The following SLC36A4 variants were observed in gnomAD, a reference collection of about 807,000 sequenced individuals.
SLC36A4 encodes the protein neutral amino acid uniporter 4.
SLC36A4 carries 49 observed loss-of-function variants against 50.5 expected under a neutral mutation model. The ratio of observed to expected loss-of-function variants is 0.97; its 90% CI spans 0.77 to 1.23. The LOEUF (loss-of-function observed/expected upper bound fraction) is 1.23, where lower values mean the gene tolerates loss of function less well. SLC36A4 is among the 50% of genes most tolerant of loss of function. The pLI is 0.00. For missense variants in SLC36A4, 611 were observed against 608.4 expected (o/e 1.00, Z -0.05); for synonymous variants, 207 against 206.5 (o/e 1.00, Z -0.02).
chr11:93,180,411 G>C, intron 6 of SLC36A4: 1 of 755,918 alleles, frequency 1.3e-6, no homozygotes. Context: ...AATAATGAAT[G>C]CTCACTATTT....
In SLC36A4 at chr11:93,146,982, G is replaced by A. The variant is rs1859861151; in HGVS notation, c.*1555C>T. On this transcript the variant is annotated 3_prime_UTR_variant, in exon 11 of 11. Coordinates refer to ENST00000326402, the MANE Select transcript of SLC36A4 (RefSeq NM_152313.4). Reference sequence around the variant, plus strand: ...ATGATTCTTGTATATATTTATTGTTGTTTTAGTTTTTAAGAGTTGGGATCT... The same window carrying A: ...ATGATTCTTGTATATATTTATTGTTATTTTAGTTTTTAAGAGTTGGGATCT... The A allele has an allele frequency of 6.6e-6, 1 of 151,902 alleles. No homozygotes were observed. Among genetic ancestry groups the A allele is most frequent in the Admixed American group, 6.6e-5 (1 of 15,218 alleles). 9.4% of individuals were successfully genotyped at this position (151,902 alleles called of 1,614,324 possible).
Position 93,197,841 on chromosome 11 carries a change from G to A in SLC36A4, c.-9C>T, listed in dbSNP as rs752289243. The A allele has an allele frequency of 1.9e-6, 3 of 1,564,050 alleles. No homozygotes were observed. The highest frequency in any genetic ancestry group is 2.6e-6 in the Non-Finnish European group (3 of 1,163,144). ...GTCGCCGCCGCTTCCATCTCTCGCGGGTCTCCAGGACGCCGCCGCCCGAGT... is the reference window on the plus strand; with the variant it reads ...GTCGCCGCCGCTTCCATCTCTCGCGAGTCTCCAGGACGCCGCCGCCCGAGT... On this transcript the variant is annotated 5_prime_UTR_variant, in exon 1 of 11. Coordinates refer to ENST00000326402, the MANE Select transcript of SLC36A4 (RefSeq NM_152313.4).
chr11:93,157,879 T>A (rs1321791366), intron 9 of SLC36A4, among the ~76,000 whole-genome samples: 2 of 152,192 alleles, frequency 1.3e-5, no homozygotes, highest in East Asian at 3.8e-4. Flanking sequence ...TCTTGCCTGA[T>A]TGCTCTGGCC....
At chr11:93,173,224 T>G (rs1401348269) in intron 6 of SLC36A4, among the ~76,000 whole-genome samples, 1 of 150,192 alleles carries the variant, frequency 6.7e-6, no homozygotes. Context: ...TCATGTGTTT[T>G]TTGGCTGCAT....
intron 6 of SLC36A4, among the ~76,000 whole-genome samples, chr11:93,169,891 T>A (rs1861051316): frequency 6.6e-6 from 1 of 152,056 alleles, no homozygotes. Context: ...AATAATTAGA[T>A]TAGATAATGA....
chr11:93,197,548 GCAAA>G, intron 1 of SLC36A4: 1 of 545,488 alleles, frequency 1.8e-6, no homozygotes, highest in Non-Finnish European at 3.2e-6. Flanking sequence ...ACGCGCGCGC[GCAAA>G]CACACACACA....
intron 6 of SLC36A4, among the ~76,000 whole-genome samples, chr11:93,178,713 T>C (rs963659947): frequency 2.6e-5 from 4 of 152,172 alleles, no homozygotes; most frequent in South Asian, 2.1e-4. Context: ...ATAAAAGCCA[T>C]CTATGACAAA....
At chr11:93,179,174 C>T (rs1861626519) in intron 6 of SLC36A4, among the ~76,000 whole-genome samples, 1 of 151,930 alleles carries the variant, frequency 6.6e-6, no homozygotes, top group Admixed American at 6.6e-5. Flanking sequence ...TGCTATCAAC[C>T]AGGTACAGTA....
chr11:93,154,308 T>C lies in SLC36A4; in HGVS notation c.1038-31A>G, dbSNP rs767214107. The stretch of plus-strand genomic sequence containing the variant: ...GAAAAAAATTTTCAAAATTTAGTCA[T>C]TTTTAATGTGAATTTAGTTTTCCTC... On this transcript the variant is annotated intron_variant, in intron 9 of 10. Transcript: ENST00000326402. 3 of 1,146,450 alleles carry C rather than the reference T, an allele frequency of 2.6e-6. No individual in the cohort carries two copies. The African/African-American group carries it at 4.8e-5, about 18-fold the overall frequency. 71.0% of individuals were successfully genotyped at this position (1,146,450 alleles called of 1,614,324 possible).
rs1861704143 is a variant in SLC36A4 at position 93,180,899 on chromosome 11, C to T, written c.456-18G>A. 6.5e-7 allele frequency: 1 copy of T among 1,536,366 alleles called. No individual in the cohort carries two copies. Among genetic ancestry groups the T allele is most frequent in the Admixed American group, 1.7e-5 (1 of 59,628 alleles). On this transcript the variant is annotated intron_variant, in intron 5 of 10. Coordinates refer to ENST00000326402, the MANE Select transcript of SLC36A4 (RefSeq NM_152313.4). ...CCACACTCCTGAAAAAAGATATCCA[C>T]AAATGAGTATCCAGGAGAGCTACTG...
chr11:93,165,787 C>T, intron 8 of SLC36A4, 131 bp downstream of exon 8: 1 of 554,052 alleles, frequency 1.8e-6, no homozygotes, highest in Non-Finnish European at 3.0e-6. Context: ...ATCTATCACA[C>T]CAAATTGGAA....
At position 93,184,533 on chromosome 11, in the gene SLC36A4, A is replaced by T. The variant is rs765342769; in HGVS notation, c.180-13T>A. 6.9e-7 allele frequency: 1 copy of T among 1,458,736 alleles called. No homozygotes were observed. Among genetic ancestry groups the T allele is most frequent in the Non-Finnish European group, 9.6e-7 (1 of 1,042,646 alleles). The allele number at this position is 1,458,736 out of a possible 1,614,324, so 90.4% of individuals were successfully genotyped here. The stretch of plus-strand genomic sequence containing the variant: ...AGTTTGTACAAATCTGAAAAGTAAA[A>T]GTTGTAAGACTTAAATATTTTAGAA... On this transcript the variant is annotated splice_polypyrimidine_tract_variant and intron_variant, in intron 2 of 10. Transcript: ENST00000326402.
intron 1 of SLC36A4, among the ~76,000 whole-genome samples, chr11:93,193,773 T>C (rs972231462): frequency 1.8e-4 from 27 of 152,146 alleles, no homozygotes; most frequent in African/African-American, 5.5e-4. Context: ...TGTTCTAAAA[T>C]CACATTAATT....
chr11:93,153,968 G>A (rs529078954), intron 10 of SLC36A4, 140 bp downstream of exon 10: 321 of 426,526 alleles, frequency 7.5e-4, no homozygotes, highest in Admixed American at 2.5e-3. Context: ...AAGTAACCCA[G>A]CTGGGTGAAT....
At chr11:93,197,103 ATTACAT>A (rs1862461529) in intron 1 of SLC36A4, 1 of 152,340 alleles carries the variant, frequency 6.6e-6, no homozygotes, top group South Asian at 2.1e-4. Context: ...TAATTTTTTA[ATTACAT>A]TTAATCAGCA....
At position 93,197,817 on chromosome 11, in the gene SLC36A4, TCGCC is replaced by T; in HGVS notation, c.12_15del (p.Ala5ArgfsTer13). ...CTCGCCGCCCCGGCAGCCGCCGGCG[TCGCC>T]GCCGCTTCCATCTCTCGCGGGTCTC... On this transcript the variant is annotated frameshift_variant, in exon 1 of 11. Coordinates refer to ENST00000326402, the MANE Select transcript of SLC36A4 (RefSeq NM_152313.4). LOFTEE classifies it high-confidence loss of function. 10 of 1,578,422 alleles carry T rather than the reference TCGCC, an allele frequency of 6.3e-6. No homozygotes were observed. The highest frequency in any genetic ancestry group is 8.5e-6 in the Non-Finnish European group (10 of 1,170,638).
At chr11:93,162,618 C>G (rs995329436) in intron 9 of SLC36A4, 88 bp downstream of exon 9, 1 of 1,160,180 alleles carries the variant, frequency 8.6e-7, no homozygotes, top group African/African-American at 1.6e-5. Flanking sequence ...AATGTTTAAA[C>G]CATAAATCCA....
intron 10 of SLC36A4, among the ~76,000 whole-genome samples, chr11:93,151,825 T>C (rs1860099789): frequency 6.6e-6 from 1 of 152,046 alleles, no homozygotes; most frequent in Non-Finnish European, 1.5e-5. Context: ...ATTGAAACAC[T>C]GGTCTCAGTG....
chr11:93,181,782 TA>T lies in SLC36A4; in HGVS notation c.363del (p.Phe121LeufsTer6). The T allele has an allele frequency of 6.4e-7, 1 of 1,555,270 alleles. No individual in the cohort carries two copies. On this transcript the variant is annotated frameshift_variant, in exon 5 of 11. Coordinates refer to ENST00000326402, the MANE Select transcript of SLC36A4 (RefSeq NM_152313.4). LOFTEE classifies it high-confidence loss of function. Reference protein sequence around the residue: ...VRCSHFLCLRFKKSTLGYSDT... With the variant: ...VRCSHFLCLRXKKSTLGYSDT... ...TCACTATAACCTAATGTTGACTTTT[TA>T]AACCTGTAATTTAATGACATACATA...
Sources: allele counts gnomAD v4.1 joint callset (sites outside exome capture counted in the v4.1 genomes callset), GRCh38; gene constraint gnomAD v4.1.1; transcripts MANE v1.5; gene names NCBI Gene and HGNC (gene_info 2026-07-23, HGNC 2026-07-21).